PDE4C: variants seen among roughly 807,000 people sequenced by gnomAD.
PDE4C encodes phosphodiesterase 4C, also known as 3',5'-cyclic-AMP phosphodiesterase 4C.
A neutral mutation model predicts 63.9 loss-of-function variants in PDE4C; 50 were observed. The ratio of observed to expected loss-of-function variants is 0.78; its 90% CI spans 0.62 to 0.99. The LOEUF is 0.99. Among genes scored for constraint, PDE4C ranks in the 50% least tolerant of loss-of-function variants. The pLI, the probability that PDE4C is intolerant of heterozygous loss-of-function variation, is 0.00. For synonymous variants in PDE4C, 377 were observed against 385.1 expected, an observed-to-expected ratio of 0.98 and a Z score of 0.25; for missense variants, 777 against 899.1, an observed-to-expected ratio of 0.86 and a Z score of 1.74.
In PDE4C at chr19:18,220,485, G is replaced by A; in HGVS notation, c.530C>T (p.Thr177Met). 1.2e-6 allele frequency: 2 copies of A among 1,614,138 alleles called. No individual in the cohort carries two copies. Among genetic ancestry groups the A allele is most frequent in the Non-Finnish European group, 1.7e-6 (2 of 1,180,018 alleles). ...CAGGCACCAGTCCAGCTCGTCTAGC[G>A]TCTCCAATGCCAGCTTCTGCCCCGT... Residue 177 changes from threonine (T) to methionine (M), a missense_variant, in exon 6 of 15, where the codon ACG (threonine) becomes ATG (methionine). Thr to Met is a moderately conservative substitution (Grantham distance 81). Coordinates refer to ENST00000262805, the Ensembl canonical transcript of PDE4C. The surrounding 1 kb of genome is among the most constrained non-coding windows in gnomAD (Gnocchi z 5.1).
intron 12 of PDE4C, among the ~76,000 whole-genome samples, chr19:18,214,468 G>T (rs1968103824): frequency 6.6e-6 from 1 of 151,966 alleles, no homozygotes; most frequent in African/African-American, 2.4e-5. Flanking sequence ...GTGAGCTCAA[G>T]AGAAAGGGAG....
upstream of PDE4C, chr19:18,248,331 C>A: frequency 2.5e-6 from 1 of 406,454 alleles, no homozygotes; most frequent in South Asian, 1.7e-5. Context: ...AATCCACACA[C>A]TTTCCTTGGG....
At chr19:18,226,320 C>G in exon 1 of PDE4C, 2 of 1,565,950 alleles carry the variant, frequency 1.3e-6, no homozygotes, top group Non-Finnish European at 1.7e-6. Flanking sequence ...TGCTCTGATT[C>G]ACCAAAAGCT....
chr19:18,241,478 G>A (rs920475111), intron 1 of PDE4C, among the ~76,000 whole-genome samples: 1 of 151,652 alleles, frequency 6.6e-6, no homozygotes, highest in African/African-American at 2.4e-5. Context: ...CGTGTTAGCT[G>A]GGATGGTCTC....
At chr19:18,221,392 G>A in intron 2 of PDE4C, 95 bp from the exon 3 acceptor site, 2 of 1,291,590 alleles carry the variant, frequency 1.5e-6, no homozygotes, top group Non-Finnish European at 2.1e-6. Flanking sequence ...CTGCTCTCAG[G>A]ACTTCTCCTC....
upstream of PDE4C, among the ~76,000 whole-genome samples, chr19:18,235,345 A>G (rs539707988): frequency 1.3e-5 from 2 of 152,224 alleles, no homozygotes; most frequent in Admixed American, 1.3e-4. Context: ...TAATTTTTGT[A>G]TTTTTAGTAG....
chr19:18,216,702 C>G, intron 12 of PDE4C, 39 bp downstream of exon 12: 1 of 1,548,430 alleles, frequency 6.5e-7, no homozygotes, highest in Non-Finnish European at 8.7e-7. Context: ...GCCCCGCTCC[C>G]CTCTGCCCCT....
exon 1 of PDE4C, chr19:18,233,283 G>GC: frequency 2.0e-6 from 3 of 1,515,440 alleles, no homozygotes; most frequent in African/African-American, 1.4e-5. Flanking sequence ...CCGGCCCAGG[G>GC]CCGGGAGTGG....
chr19:18,232,585 G>A (rs926230929), intron 1 of PDE4C, among the ~76,000 whole-genome samples: 7 of 151,880 alleles, frequency 4.6e-5, no homozygotes, highest in African/African-American at 1.7e-4. Context: ...CACCACAAGG[G>A]GAGACACACA....
chr19:18,213,919 A>T (rs1036657597), intron 12 of PDE4C, among the ~76,000 whole-genome samples: 2 of 152,174 alleles, frequency 1.3e-5, no homozygotes, highest in African/African-American at 4.8e-5. Context: ...TCTGCCTGGA[A>T]TGCCGCTTCC....
At position 18,220,849 on chromosome 19, in the gene PDE4C, G is replaced by A. The variant is rs1272644266; in HGVS notation, c.499+25C>T. 14 of 1,603,450 alleles carry A rather than the reference G, an allele frequency of 8.7e-6. No homozygotes were observed. Among genetic ancestry groups the A allele is most frequent in the Non-Finnish European group, 1.2e-5 (14 of 1,175,538 alleles). On this transcript the variant is annotated intron_variant, in intron 5 of 14. Coordinates refer to ENST00000262805, the Ensembl canonical transcript of PDE4C. The surrounding 1 kb of genome is among the most constrained non-coding windows in gnomAD (Gnocchi z 5.1). ...GGAAGCTCCCAGCTGTCCTCAGCGG[G>A]GGAGGGAAGGAACAGGTACTTTACC...
chr19:18,238,252 T>C (rs1257951316), upstream of PDE4C, among the ~76,000 whole-genome samples: 2 of 150,330 alleles, frequency 1.3e-5, no homozygotes, highest in Non-Finnish European at 2.9e-5. Context: ...TTTTTTTTTT[T>C]CGAGATGGAG....
At position 18,220,970 on chromosome 19, in the gene PDE4C, C is replaced by T; in HGVS notation, c.450-47G>A. On this transcript the variant is annotated intron_variant, in intron 4 of 14. Coordinates refer to ENST00000262805, the Ensembl canonical transcript of PDE4C. This position sits in a 1 kb window ranked among gnomAD's most constrained non-coding sequence, Gnocchi z 5.1. Reference sequence around the variant, plus strand: ...CGTGGCTGCTCCGCCCATCTCGCCCCGCCCCCAAGTCCACCAGGCCCCGCC... The same window carrying T: ...CGTGGCTGCTCCGCCCATCTCGCCCTGCCCCCAAGTCCACCAGGCCCCGCC... The T allele has an allele frequency of 6.4e-7, 1 of 1,573,856 alleles. No homozygotes were observed. Among genetic ancestry groups the T allele is most frequent in the Non-Finnish European group, 8.6e-7 (1 of 1,160,906 alleles).
intron 1 of PDE4C, among the ~76,000 whole-genome samples, chr19:18,223,513 G>A (rs1236160548): frequency 6.6e-6 from 1 of 151,654 alleles, no homozygotes; most frequent in Non-Finnish European, 1.5e-5. Flanking sequence ...CCCGGCCAAA[G>A]TTTTGTATTT....
chr19:18,246,172 C>A (rs183643203), intron 1 of PDE4C, among the ~76,000 whole-genome samples: 1 of 146,564 alleles, frequency 6.8e-6, no homozygotes, highest in African/African-American at 2.5e-5. Flanking sequence ...CCCGCCACCA[C>A]ACCAGGCTAA....
At chr19:18,249,645 C>T (rs1360632631), upstream of PDE4C, among the ~76,000 whole-genome samples, 1 of 150,290 alleles carries the variant, frequency 6.7e-6, no homozygotes, top group Non-Finnish European at 1.5e-5. Flanking sequence ...GCGATCTCAG[C>T]TCACTGCAAC....
chr19:18,241,563 G>A (rs143601102), intron 1 of PDE4C, among the ~76,000 whole-genome samples: 4 of 150,962 alleles, frequency 2.6e-5, no homozygotes, highest in East Asian at 2.0e-4. Context: ...CACCGCGCCC[G>A]GCCAAGACAG....
upstream of PDE4C, among the ~76,000 whole-genome samples, chr19:18,229,104 T>TTA (rs1163489489): frequency 1.5e-5 from 1 of 68,636 alleles, no homozygotes; most frequent in Non-Finnish European, 3.5e-5. Flanking sequence ...CCAAGCTAAT[T>TTA]TTTTTTTTTT....
Position 18,218,925 on chromosome 19 carries a change from G to C in PDE4C, c.969+15C>G. 1.3e-6 allele frequency: 2 copies of C among 1,591,640 alleles called. No individual in the cohort carries two copies. Among genetic ancestry groups the C allele is most frequent in the Non-Finnish European group, 1.7e-6 (2 of 1,159,434 alleles). ...CCAGGAGTTTTTCCTTGGAAGCCAA[G>C]GGCAGGGTAGGTACCTGAAAAATGC... On this transcript the variant is annotated intron_variant, in intron 9 of 14. Transcript: ENST00000262805.
Sources: gnomAD v4.1 joint callset for allele counts (sites outside exome capture counted in the v4.1 genomes callset) on GRCh38, gnomAD v4.1.1 for gene constraint, Gnocchi (gnomAD v3.1) non-coding constraint, MANE v1.5 for transcripts, NCBI Gene and HGNC (gene_info 2026-07-23, HGNC 2026-07-21) for gene names.